WDR37: variants seen among roughly 807,000 people sequenced by gnomAD.
WDR37 encodes the protein WD repeat-containing protein 37.
A neutral mutation model predicts 62.9 loss-of-function variants in WDR37; 19 were observed. The observed-to-expected ratio is 0.30, with a 90% CI of 0.21 to 0.44. The LOEUF is 0.44. WDR37 is among the 20% of genes least tolerant of loss of function. The pLI, the probability that WDR37 is intolerant of heterozygous loss-of-function variation, is 1.00. For synonymous variants in WDR37, 250 were observed against 260.9 expected, an observed-to-expected ratio of 0.96 and a Z score of 0.40; for missense variants, 474 against 657.6, an observed-to-expected ratio of 0.72 and a Z score of 3.05.
chr10:1,126,264 G>T (rs534937113), intron 13 of WDR37, among the ~76,000 whole-genome samples: 157 of 152,076 alleles, frequency 1.0e-3, no homozygotes, highest in African/African-American at 3.3e-3. Context: ...AAATCAGCCA[G>T]GCGTGGTGGC....
intron 1 of WDR37, among the ~76,000 whole-genome samples, chr10:1,071,578 C>T (rs967845502): frequency 1.3e-5 from 2 of 152,134 alleles, no homozygotes; most frequent in African/African-American, 4.8e-5. Flanking sequence ...TAAATATACA[C>T]GCTGAATTTC....
intron 1 of WDR37, among the ~76,000 whole-genome samples, chr10:1,071,323 A>G (rs1052441382): frequency 3.3e-5 from 5 of 152,120 alleles, no homozygotes; most frequent in African/African-American, 1.2e-4. Flanking sequence ...GGGAGGAGGG[A>G]TCAGTAATAG....
At chr10:1,075,286 T>TA (rs1189419860) in intron 2 of WDR37, among the ~76,000 whole-genome samples, 5 of 143,754 alleles carry the variant, frequency 3.5e-5, no homozygotes, top group Non-Finnish European at 7.8e-5. Context: ...TTTTTTTTTT[T>TA]TTTTTAAATT....
chr10:1,123,967 G>A (rs72760963), intron 11 of WDR37: 24,926 of 464,334 alleles, frequency 0.054, 1,352 homozygotes, highest in African/African-American at 0.2. Flanking sequence ...ACCTCTCTTC[G>A]TTCCGTTGCC....
chr10:1,101,588 G>C (rs571027487), intron 9 of WDR37, among the ~76,000 whole-genome samples: 118 of 152,222 alleles, frequency 7.8e-4, no homozygotes, highest in African/African-American at 2.7e-3. Flanking sequence ...TGTTCCCTCC[G>C]CAGTTTGTTC....
intron 9 of WDR37, among the ~76,000 whole-genome samples, chr10:1,099,649 C>T (rs1589106609): frequency 1.3e-5 from 2 of 152,374 alleles, no homozygotes; most frequent in East Asian, 1.9e-4. Context: ...TCCACTAACA[C>T]GCACATTTAG....
intron 11 of WDR37, among the ~76,000 whole-genome samples, chr10:1,112,631 TA>T (rs1208249783): frequency 6.6e-6 from 1 of 152,190 alleles, no homozygotes; most frequent in East Asian, 1.9e-4. Context: ...GGAAGGAAAG[TA>T]AAACTGCTAC....
At chr10:1,078,983 C>T (rs1341476692) in intron 3 of WDR37, among the ~76,000 whole-genome samples, 1 of 152,200 alleles carries the variant, frequency 6.6e-6, no homozygotes, top group African/African-American at 2.4e-5. Context: ...ATATAATCCT[C>T]TGTCATTTAA....
At position 1,112,048 on chromosome 10, in the gene WDR37, C is replaced by T. The variant is rs139791693; in HGVS notation, c.1103+6781C>T. On this transcript the variant is annotated intron_variant, in intron 11 of 13. Coordinates refer to ENST00000263150, the MANE Select transcript of WDR37 (RefSeq NM_014023.4). ...TCCCAAGTAGCTGGGACTGCAGGCA[C>T]GTGCCTTGGTGGCTATTTCTTACAC... is the stretch of plus-strand genomic sequence containing the variant. 4.1e-3 allele frequency among the ~76,000 whole-genome samples: 623 copies of T among 152,226 alleles called. 5 individuals are homozygous for T. Among genetic ancestry groups the T allele is most frequent in the African/African-American group, 0.014 (563 of 41,534 alleles).
chr10:1,084,336 C>T lies in WDR37; in HGVS notation c.397-67C>T, dbSNP rs1834127513. The T allele has an allele frequency of 8.3e-6, 13 of 1,570,488 alleles. No homozygotes were observed. In the Admixed American group the frequency reaches 1.3e-4, roughly 15 times the overall value. On this transcript the variant is annotated intron_variant, in intron 5 of 13. Transcript: ENST00000263150. ...TTTTCCAAGACGTCTTTTTCGTTTT[C>T]TCTTTCTTGACTTAGAAAAATTTAC...
intron 5 of WDR37, among the ~76,000 whole-genome samples, chr10:1,083,225 A>G (rs1834087137): frequency 6.6e-6 from 1 of 152,256 alleles, no homozygotes; most frequent in Non-Finnish European, 1.5e-5. Context: ...TTCAGAAAGA[A>G]AAGAGGATAA....
chr10:1,110,130 G>GA (rs1208141933), intron 11 of WDR37, among the ~76,000 whole-genome samples: 5 of 152,190 alleles, frequency 3.3e-5, no homozygotes, highest in Non-Finnish European at 7.4e-5. Context: ...AATACGTTTT[G>GA]AAAAGATCTC....
chr10:1,124,161 T>C, intron 11 of WDR37, 57 bp from the exon 12 acceptor site: 2 of 1,605,692 alleles, frequency 1.2e-6, no homozygotes, highest in Middle Eastern at 1.7e-4. Context: ...GTGTGTGGGG[T>C]GTGGTGTCAC....
At chr10:1,084,329 T>A in intron 5 of WDR37, 74 bp from the exon 6 acceptor site, 7 of 1,557,746 alleles carry the variant, frequency 4.5e-6, no homozygotes, top group Non-Finnish European at 6.1e-6. Context: ...GACGTCTTTT[T>A]CGTTTTCTCT....
intron 1 of WDR37, among the ~76,000 whole-genome samples, chr10:1,059,820 C>A (rs1034644858): frequency 5.9e-5 from 9 of 152,090 alleles, no homozygotes; most frequent in African/African-American, 2.2e-4. Flanking sequence ...ATAAAAGAAT[C>A]TTTTGAGAAA....
At position 1,129,386 on chromosome 10, in the gene WDR37, C is replaced by T. The variant is rs1288247758; in HGVS notation, c.*42C>T. 6.2e-7 allele frequency: 1 copy of T among 1,612,322 alleles called. No individual in the cohort carries two copies. The highest frequency in any genetic ancestry group is 1.1e-5 in the South Asian group (1 of 90,940). On this transcript the variant is annotated 3_prime_UTR_variant, in exon 14 of 14. Coordinates refer to ENST00000263150, the MANE Select transcript of WDR37 (RefSeq NM_014023.4). ...TAGTTTCACTGTTTGCCAGCACAGACCTTTGATGGGTGCAGGCTTTTCTGC... is the reference window on the plus strand; with the variant it reads ...TAGTTTCACTGTTTGCCAGCACAGATCTTTGATGGGTGCAGGCTTTTCTGC...
At chr10:1,125,684 A>G (rs749968283) in intron 13 of WDR37, among the ~76,000 whole-genome samples, 22 of 151,986 alleles carry the variant, frequency 1.4e-4, no homozygotes, top group Non-Finnish European at 2.8e-4. Context: ...GGAAGTGTTG[A>G]GTGGGCATTG....
At chr10:1,070,586 A>T (rs939946542) in intron 1 of WDR37, among the ~76,000 whole-genome samples, 46 of 152,340 alleles carry the variant, frequency 3.0e-4, no homozygotes, top group African/African-American at 1.1e-3. Flanking sequence ...GTGAATTTTT[A>T]TAAGTGACAA....
intron 6 of WDR37, 37 bp from the exon 7 acceptor site, chr10:1,086,249 A>T (rs1564502149): frequency 5.1e-6 from 8 of 1,570,792 alleles, no homozygotes; most frequent in Admixed American, 1.7e-5. Flanking sequence ...TAAACTGATG[A>T]TAGCTAAGTT....
Sources: allele counts gnomAD v4.1 joint callset (sites outside exome capture counted in the v4.1 genomes callset), GRCh38; gene constraint gnomAD v4.1.1; transcripts MANE v1.5; gene names NCBI Gene and HGNC (gene_info 2026-07-23, HGNC 2026-07-21).